Variants in FPR3 observed in about 807,000 individuals in gnomAD.
FPR3 encodes N-formyl peptide receptor 3.
For synonymous variants in FPR3, 135 were observed against 163.6 expected (o/e 0.83, Z 1.34); for missense variants, 346 against 443.2 (o/e 0.78, Z 1.97).
chr19:51,815,878 A>G (rs1009680140), intron 1 of FPR3, among the ~76,000 whole-genome samples: 3 of 144,110 alleles, frequency 2.1e-5, no homozygotes, highest in Non-Finnish European at 4.4e-5. Context: ...AAAAGAAAAA[A>G]GAAAAAAGAA....
At chr19:51,803,216 A>G (rs2084036132) in intron 1 of FPR3, among the ~76,000 whole-genome samples, 1 of 152,164 alleles carries the variant, frequency 6.6e-6, no homozygotes, top group African/African-American at 2.4e-5. Context: ...CATGTGCGCA[A>G]TATTTATAAA....
intron 1 of FPR3, among the ~76,000 whole-genome samples, chr19:51,812,823 AAAC>A (rs1234598032): frequency 6.6e-6 from 1 of 152,176 alleles, no homozygotes; most frequent in Non-Finnish European, 1.5e-5. Flanking sequence ...GATAATTTGT[AAAC>A]AACATAAATT....
chr19:51,803,146 ATTAAT>A (rs1350063276), intron 1 of FPR3, among the ~76,000 whole-genome samples: 4 of 152,212 alleles, frequency 2.6e-5, no homozygotes, highest in Admixed American at 6.5e-5. Flanking sequence ...ATTAAATTAA[ATTAAT>A]TTAACTAAAA....
intron 1 of FPR3, among the ~76,000 whole-genome samples, chr19:51,810,080 C>A (rs763472216): frequency 6.6e-6 from 1 of 152,110 alleles, no homozygotes; most frequent in African/African-American, 2.4e-5. Flanking sequence ...TGAGATCTGG[C>A]GGCATTCCTT....
At chr19:51,820,966 A>G (rs1044304307) in intron 1 of FPR3, among the ~76,000 whole-genome samples, 14 of 152,162 alleles carry the variant, frequency 9.2e-5, no homozygotes, top group African/African-American at 3.4e-4. Flanking sequence ...CATGTGAGTA[A>G]TGTTCATAAG....
At chr19:51,795,900 C>CA (rs201571739) in intron 1 of FPR3, among the ~76,000 whole-genome samples, 4,442 of 152,034 alleles carry the variant, frequency 0.029, 196 homozygotes, top group African/African-American at 0.1. Context: ...ACAGTGGCTA[C>CA]AAAAAAATTT....
intron 1 of FPR3, among the ~76,000 whole-genome samples, chr19:51,822,683 G>C (rs150918894): frequency 2.6e-5 from 4 of 152,280 alleles, no homozygotes; most frequent in African/African-American, 4.8e-5. Flanking sequence ...AATAGTCTCT[G>C]ATAAGAACCC....
chr19:51,799,305 A>G (rs550585125), intron 1 of FPR3, among the ~76,000 whole-genome samples: 4 of 152,224 alleles, frequency 2.6e-5, no homozygotes, highest in African/African-American at 9.6e-5. Flanking sequence ...AGCCGCACCC[A>G]CAATCCAACC....
At chr19:51,816,399 C>T (rs369597484) in intron 1 of FPR3, among the ~76,000 whole-genome samples, 1 of 152,128 alleles carries the variant, frequency 6.6e-6, no homozygotes, top group African/African-American at 2.4e-5. Flanking sequence ...TGGCATGTGC[C>T]ACTACACCCG....
chr19:51,813,304 T>C (rs2084111119), intron 1 of FPR3, among the ~76,000 whole-genome samples: 2 of 152,128 alleles, frequency 1.3e-5, no homozygotes, highest in Non-Finnish European at 2.9e-5. Flanking sequence ...GACAAGTGCC[T>C]ATAGGACTCT....
intron 1 of FPR3, among the ~76,000 whole-genome samples, chr19:51,795,680 A>G: frequency 6.6e-6 from 1 of 151,042 alleles, no homozygotes. Flanking sequence ...CGCCTGGCTA[A>G]TTTTTTGTAT....
At position 51,803,319 on chromosome 19, in the gene FPR3, A is replaced by G. The variant is rs530713025; in HGVS notation, c.-11+7988A>G. On this transcript the variant is annotated intron_variant, in intron 1 of 1. Coordinates refer to ENST00000339223, the MANE Select transcript of FPR3 (RefSeq NM_002030.5). ...ACTAACAACTGCCTAATGACTTTGT[A>G]TTTAAATAAATAAACTCATAACTCA... Among the ~76,000 whole-genome samples the G allele has an allele frequency of 6.6e-5, 10 of 152,320 alleles. No homozygotes were observed. In the East Asian group the frequency reaches 1.9e-3, roughly 29 times the overall value.
intron 1 of FPR3, chr19:51,804,172 C>T (rs1303976785): frequency 1.3e-5 from 2 of 151,982 alleles, no homozygotes; most frequent in Non-Finnish European, 2.9e-5. Context: ...AGTCTAAATA[C>T]AAGCTTAATT....
At chr19:51,800,904 G>T (rs928159589) in intron 1 of FPR3, among the ~76,000 whole-genome samples, 3 of 152,058 alleles carry the variant, frequency 2.0e-5, no homozygotes, top group African/African-American at 7.2e-5. Flanking sequence ...TCACTTTAAA[G>T]ATTTTATGTG....
intron 1 of FPR3, among the ~76,000 whole-genome samples, chr19:51,806,350 G>A (rs1368913460): frequency 6.6e-6 from 1 of 152,152 alleles, no homozygotes; most frequent in East Asian, 1.9e-4. Flanking sequence ...AATCCACCGG[G>A]CCTTTCCATT....
At chr19:51,802,819 T>A (rs550191588) in intron 1 of FPR3, among the ~76,000 whole-genome samples, 2 of 152,384 alleles carry the variant, frequency 1.3e-5, no homozygotes, top group Non-Finnish European at 2.9e-5. Context: ...TGTTTTCAAA[T>A]GTAATATCTG....
At chr19:51,814,576 C>A (rs148782139) in intron 1 of FPR3, among the ~76,000 whole-genome samples, 1 of 151,562 alleles carries the variant, frequency 6.6e-6, no homozygotes, top group Non-Finnish European at 1.5e-5. Context: ...TCACTGCAAC[C>A]TCCATCTGCT....
At chr19:51,819,739 G>C (rs1322185630) in intron 1 of FPR3, among the ~76,000 whole-genome samples, 1 of 152,168 alleles carries the variant, frequency 6.6e-6, no homozygotes, top group African/African-American at 2.4e-5. Context: ...AGTTTGGCTA[G>C]GAATTCTCTT....
chr19:51,796,446 C>A (rs1417452982), intron 1 of FPR3, among the ~76,000 whole-genome samples: 2 of 152,174 alleles, frequency 1.3e-5, no homozygotes, highest in Admixed American at 1.3e-4. Flanking sequence ...ATAACATCAC[C>A]ATCTTATTGG....
Sources: allele counts gnomAD v4.1 joint callset (sites outside exome capture counted in the v4.1 genomes callset), GRCh38; gene constraint gnomAD v4.1.1; transcripts MANE v1.5; gene names NCBI Gene and HGNC (gene_info 2026-07-23, HGNC 2026-07-21).